ANKRD31: variants seen among roughly 807,000 people sequenced by gnomAD.
The protein encoded by ANKRD31 is ankyrin repeat domain-containing protein 31.
A neutral mutation model predicts 186.0 loss-of-function variants in ANKRD31; 147 were observed. That is an observed-to-expected ratio of 0.79 (90% CI 0.69 to 0.91). ANKRD31 has a LOEUF of 0.91. ANKRD31 is among the 40% of genes least tolerant of loss of function. The probability of loss-of-function intolerance (pLI) is 0.00; values close to 1 mark genes in which losing one functional copy is unlikely to be tolerated. For missense variants in ANKRD31, 1,986 were observed against 2,148.8 expected, an observed-to-expected ratio of 0.92 and a Z score of 1.50; for synonymous variants, 673 against 736.4, an observed-to-expected ratio of 0.91 and a Z score of 1.39.
intron 1 of ANKRD31, among the ~76,000 whole-genome samples, chr5:75,231,360 G>C (rs533207297): frequency 1.3e-5 from 2 of 151,980 alleles, no homozygotes; most frequent in Admixed American, 6.6e-5. Flanking sequence ...ACAGGAATGA[G>C]CCACCACACC....
intron 12 of ANKRD31, among the ~76,000 whole-genome samples, chr5:75,150,917 C>T (rs956489878): frequency 6.6e-6 from 1 of 151,912 alleles, no homozygotes; most frequent in Non-Finnish European, 1.5e-5. Context: ...CTTGTATAGA[C>T]CTGGCTTCAA....
At chr5:75,184,696 T>A (rs948124387) in intron 10 of ANKRD31, among the ~76,000 whole-genome samples, 1 of 152,104 alleles carries the variant, frequency 6.6e-6, no homozygotes, top group African/African-American at 2.4e-5. Context: ...GAATGGCTAT[T>A]ATTAAAAAGA....
chr5:75,139,101 TTAA>T (rs1466245691), intron 15 of ANKRD31, 118 bp from the exon 16 acceptor site: 1 of 1,110,506 alleles, frequency 9.0e-7, no homozygotes, highest in Non-Finnish European at 1.2e-6. Context: ...CATATATCAA[TTAA>T]TGTTATCATT....
At position 75,198,849 on chromosome 5, in the gene ANKRD31, C is replaced by T. The variant is rs140737821; in HGVS notation, c.447+782G>A. Among the ~76,000 whole-genome samples, 248 of 152,270 alleles carry T rather than the reference C, an allele frequency of 1.6e-3. 3 individuals carry two copies. Among genetic ancestry groups the T allele is most frequent in the African/African-American group, 5.6e-3 (234 of 41,562 alleles). On this transcript the variant is annotated intron_variant, in intron 6 of 25. Transcript: ENST00000506364. ...AATACCTGTAAAACAGCTATCGCTGCCCCTATCTTACAGATATAAACAGTT... is the reference window on the plus strand; with the variant it reads ...AATACCTGTAAAACAGCTATCGCTGTCCCTATCTTACAGATATAAACAGTT...
intron 2 of ANKRD31, among the ~76,000 whole-genome samples, chr5:75,223,857 G>C (rs73763033): frequency 0.16 from 23,499 of 151,564 alleles, 2,053 homozygotes; most frequent in African/African-American, 0.23. Flanking sequence ...AAAAGAGAGA[G>C]AAAAACCAGA....
At chr5:75,069,621 G>C (rs1031489697) in intron 25 of ANKRD31, among the ~76,000 whole-genome samples, 8 of 151,724 alleles carry the variant, frequency 5.3e-5, no homozygotes, top group Non-Finnish European at 1.0e-4. Context: ...CCTTGGCTCA[G>C]TGCAACCTCT....
chr5:75,069,518 T>A (rs1310363360), intron 25 of ANKRD31, among the ~76,000 whole-genome samples: 2 of 151,980 alleles, frequency 1.3e-5, no homozygotes, highest in East Asian at 1.9e-4. Flanking sequence ...AGAAGTGACA[T>A]GTAATGAGTT....
chr5:75,127,853 C>A (rs546843584), intron 17 of ANKRD31, among the ~76,000 whole-genome samples: 2 of 152,236 alleles, frequency 1.3e-5, no homozygotes, highest in African/African-American at 2.4e-5. Context: ...AGGTCTTGGA[C>A]ATATTTTGTA....
At chr5:75,112,690 T>A in intron 19 of ANKRD31, 90 bp from the exon 20 acceptor site, 1 of 777,768 alleles carries the variant, frequency 1.3e-6, no homozygotes, top group Non-Finnish European at 1.9e-6. Flanking sequence ...AATAAAATAC[T>A]AAAGAAAGTG....
At chr5:75,105,458 T>A (rs1349375846) in intron 21 of ANKRD31, among the ~76,000 whole-genome samples, 3 of 152,108 alleles carry the variant, frequency 2.0e-5, no homozygotes, top group East Asian at 1.9e-4. Flanking sequence ...GCCCTTTTTT[T>A]AAGGAGGTGA....
chr5:75,191,662 G>C (rs1442250484), intron 9 of ANKRD31, among the ~76,000 whole-genome samples: 1 of 152,010 alleles, frequency 6.6e-6, no homozygotes, highest in Non-Finnish European at 1.5e-5. Context: ...TTACAATGCT[G>C]AATCTTTCTA....
intron 25 of ANKRD31, among the ~76,000 whole-genome samples, chr5:75,073,959 GC>G (rs1324437201): frequency 6.6e-6 from 1 of 152,154 alleles, no homozygotes; most frequent in Non-Finnish European, 1.5e-5. Flanking sequence ...GCCATGAATG[GC>G]TAGTACAGCC....
At chr5:75,099,415 G>A (rs1746624941) in intron 22 of ANKRD31, among the ~76,000 whole-genome samples, 1 of 152,134 alleles carries the variant, frequency 6.6e-6, no homozygotes. Flanking sequence ...TTCTCTGCCA[G>A]GCTTTGGTAT....
chr5:75,107,711 G>T, intron 20 of ANKRD31, 94 bp from the exon 21 acceptor site: 1 of 694,342 alleles, frequency 1.4e-6, no homozygotes, highest in Non-Finnish European at 2.3e-6. Context: ...ATTTTAAAAA[G>T]CGTTATTCCC....
chr5:75,107,583 C>CT lies in ANKRD31; in HGVS notation c.4277dup (p.Ile1427AspfsTer4). On this transcript the variant is annotated frameshift_variant, in exon 21 of 26. Coordinates refer to ENST00000506364, the MANE Select transcript of ANKRD31 (RefSeq NM_001372053.1). LOFTEE classifies it high-confidence loss of function. Reference sequence around the variant, plus strand: ...GCTTGGCAAGCACATTATCCATAATCTTTTTTATCTTTAACATCTTTTCAA... The same window carrying CT: ...GCTTGGCAAGCACATTATCCATAATCTTTTTTTATCTTTAACATCTTTTCAA... The CT allele has an allele frequency of 6.5e-7, 1 of 1,530,900 alleles. No homozygotes were observed. Among genetic ancestry groups the CT allele is most frequent in the Non-Finnish European group, 8.7e-7 (1 of 1,143,534 alleles). The allele number at this position is 1,530,900 out of a possible 1,614,324, so 94.8% of individuals were successfully genotyped here.
chr5:75,140,565 T>C (rs1561469399), intron 15 of ANKRD31, among the ~76,000 whole-genome samples: 1 of 152,224 alleles, frequency 6.6e-6, no homozygotes. Context: ...TGTACTCTTC[T>C]TCTCTTGAAT....
At chr5:75,185,326 G>A (rs1278642420) in intron 10 of ANKRD31, among the ~76,000 whole-genome samples, 2 of 152,166 alleles carry the variant, frequency 1.3e-5, no homozygotes, top group Non-Finnish European at 2.9e-5. Context: ...TTGGGAGGCT[G>A]AGGCAGGTGG....
rs377227491 is a variant in ANKRD31 at position 75,229,759 on chromosome 5, C to T, written c.178+803G>A. Among the ~76,000 whole-genome samples, 40 of 148,780 alleles carry T rather than the reference C, an allele frequency of 2.7e-4. No homozygotes were observed. In the East Asian group the frequency reaches 6.8e-3, roughly 25 times the overall value. Reference sequence around the variant, plus strand: ...GCGTGCACATAGTCCCAGCTACTCGCGAGGCTGAGGCAGAAGAATCGCTTG... The same window carrying T: ...GCGTGCACATAGTCCCAGCTACTCGTGAGGCTGAGGCAGAAGAATCGCTTG... On this transcript the variant is annotated intron_variant, in intron 2 of 25. Transcript: ENST00000506364.
At chr5:75,082,650 C>T (rs1294458745) in intron 24 of ANKRD31, among the ~76,000 whole-genome samples, 3 of 151,976 alleles carry the variant, frequency 2.0e-5, no homozygotes, top group East Asian at 3.9e-4. Context: ...TATTTTAATG[C>T]TTATTTTTAG....
Sources: allele counts gnomAD v4.1 joint callset (sites outside exome capture counted in the v4.1 genomes callset), GRCh38; gene constraint gnomAD v4.1.1; transcripts MANE v1.5; gene names NCBI Gene and HGNC (gene_info 2026-07-23, HGNC 2026-07-21).